NKAIN3: variants seen among roughly 807,000 people sequenced by gnomAD.
NKAIN3 encodes sodium/potassium transporting ATPase interacting 3.
Under a neutral mutation model 30.2 loss-of-function variants are expected in NKAIN3, and 25 were observed. That is an observed-to-expected ratio of 0.83 (90% CI 0.60 to 1.16). The LOEUF (loss-of-function observed/expected upper bound fraction) is 1.16. Ranked by LOEUF, NKAIN3 falls within the 50% of genes most tolerant of loss-of-function variation. NKAIN3 has a pLI of 0.00. For synonymous variants in NKAIN3, 91 were observed against 89.6 expected, an observed-to-expected ratio of 1.02 and a Z score of -0.09; for missense variants, 225 against 254.1, an observed-to-expected ratio of 0.89 and a Z score of 0.78.
rs1434507714 is a variant in NKAIN3, at chr8:62,876,939, GA to G, written c.472-41511del. 2.0e-5 allele frequency among the ~76,000 whole-genome samples: 3 copies of G among 147,630 alleles called. No individual in the cohort carries two copies. In the East Asian group the frequency reaches 6.0e-4, roughly 29 times the overall value. Reference sequence around the variant, plus strand: ...GTATCCCGTGTTTGTTTGTTTGGAAGAAATAAAGAAAAAATTTTCAATAAAA... The same window carrying G: ...GTATCCCGTGTTTGTTTGTTTGGAAGAATAAAGAAAAAATTTTCAATAAAA... On this transcript the variant is annotated intron_variant, in intron 4 of 6. Coordinates refer to ENST00000623646, the MANE Select transcript of NKAIN3 (RefSeq NM_001304533.3).
rs573980337 is a variant in NKAIN3 at position 62,651,195 on chromosome 8, A to G, written c.273+61401A>G. Among the ~76,000 whole-genome samples, 239 of 152,008 alleles carry G rather than the reference A, an allele frequency of 1.6e-3. 1 individual carries two copies. The highest frequency in any genetic ancestry group is 5.5e-3 in the African/African-American group (228 of 41,548). On this transcript the variant is annotated intron_variant, in intron 3 of 6. Transcript: ENST00000623646. ...CCTCTTAGGAAAAGTGCAATTTTTT[A>G]CAGAACAATGCTGATACATTTTCAT... is the stretch of plus-strand genomic sequence containing the variant.
chr8:62,279,674 A>T (rs1490881565), intron 1 of NKAIN3, among the ~76,000 whole-genome samples: 1 of 152,240 alleles, frequency 6.6e-6, no homozygotes, highest in Non-Finnish European at 1.5e-5. Flanking sequence ...GTCAAAGATC[A>T]GATGGCTGTA....
At chr8:62,557,859 T>A (rs1345476357) in intron 1 of NKAIN3, among the ~76,000 whole-genome samples, 2 of 152,134 alleles carry the variant, frequency 1.3e-5, no homozygotes, top group Non-Finnish European at 2.9e-5. Context: ...CTGTGGGTTG[T>A]CTGTTTGCTC....
intron 4 of NKAIN3, among the ~76,000 whole-genome samples, chr8:62,760,081 A>G (rs1176009225): frequency 6.6e-6 from 1 of 152,186 alleles, no homozygotes; most frequent in Non-Finnish European, 1.5e-5. Context: ...ATGAGATACC[A>G]TCTCATGCCA....
At chr8:62,532,394 C>T (rs980551328) in intron 1 of NKAIN3, among the ~76,000 whole-genome samples, 5 of 103,918 alleles carry the variant, frequency 4.8e-5, no homozygotes, top group Admixed American at 3.0e-4. Flanking sequence ...CTACATATAA[C>T]GTCTATACTT....
intron 3 of NKAIN3, among the ~76,000 whole-genome samples, chr8:62,599,345 G>T (rs1439823590): frequency 6.6e-6 from 1 of 151,964 alleles, no homozygotes; most frequent in East Asian, 1.9e-4. Context: ...ACTGTGGGTA[G>T]GTAACTAAAA....
At position 62,969,407 on chromosome 8, in the gene NKAIN3, C is replaced by T. The variant is rs1823783024; in HGVS notation, c.*4000C>T. On this transcript the variant is annotated 3_prime_UTR_variant, in exon 7 of 7. Coordinates refer to ENST00000623646, the MANE Select transcript of NKAIN3 (RefSeq NM_001304533.3). ...TTGAGAAGCAAAAACCAAAATTTCT[C>T]TTTTCAATCTTTGCAAATTAAAAAG... Among the ~76,000 whole-genome samples the T allele has an allele frequency of 2.0e-5, 3 of 152,320 alleles. No individual in the cohort carries two copies. In the South Asian group the frequency reaches 6.2e-4, roughly 32 times the overall value.
rs1344765802 is a variant in NKAIN3 at position 62,969,852 on chromosome 8, C to T, written c.*4445C>T. On this transcript the variant is annotated 3_prime_UTR_variant, in exon 7 of 7. Coordinates refer to ENST00000623646, the MANE Select transcript of NKAIN3 (RefSeq NM_001304533.3). ...TAAGGATATTATGCCCAAAAGTGAA[C>T]TGACAGAGGAAAGTACTCTTCATAT... Among the ~76,000 whole-genome samples, 1 of 152,012 alleles carries T rather than the reference C, an allele frequency of 6.6e-6. No individual in the cohort carries two copies.
intron 3 of NKAIN3, among the ~76,000 whole-genome samples, chr8:62,611,286 C>T (rs1811282240): frequency 6.6e-6 from 1 of 152,032 alleles, no homozygotes; most frequent in African/African-American, 2.4e-5. Context: ...GTATCTATCT[C>T]CTTAAGCATT....
chr8:62,716,277 A>G (rs533878403), intron 3 of NKAIN3, among the ~76,000 whole-genome samples: 9 of 152,310 alleles, frequency 5.9e-5, no homozygotes, highest in African/African-American at 2.2e-4. Context: ...AATACGTGTC[A>G]TCCCGACTTT....
At position 62,942,169 on chromosome 8, in the gene NKAIN3, AATAT is replaced by A. The variant is rs146115738; in HGVS notation, c.533-11719_533-11716del. On this transcript the variant is annotated intron_variant, in intron 5 of 6. Transcript: ENST00000623646. ...AACTCAATCCTTTTACAATAGCTGC[AATAT>A]ATATATATATATACACATATATATA... is the stretch of plus-strand genomic sequence containing the variant. Among the ~76,000 whole-genome samples the A allele has an allele frequency of 1.4e-4, 20 of 142,654 alleles. 1 individual carries two copies. Among genetic ancestry groups the A allele is most frequent in the Middle Eastern group, 3.6e-3 (1 of 276 alleles). The allele number at this position is 142,654 out of a possible 152,430, so 93.6% of individuals were successfully genotyped here. A position where few individuals can be genotyped will look rare whatever the true frequency, so the allele number is the denominator to read the frequency against.
At chr8:62,633,419 T>G (rs1255400432) in intron 3 of NKAIN3, among the ~76,000 whole-genome samples, 5 of 152,182 alleles carry the variant, frequency 3.3e-5, no homozygotes, top group Non-Finnish European at 5.9e-5. Flanking sequence ...GGTTCTGACT[T>G]ACTTGTCAAG....
At chr8:62,994,395 T>C (rs977089510) in intron 5 of NKAIN3, among the ~76,000 whole-genome samples, 6 of 152,178 alleles carry the variant, frequency 3.9e-5, no homozygotes, top group African/African-American at 1.4e-4. Context: ...GTGAAAGGGA[T>C]TGTATGATGA....
chr8:62,583,999 A>G (rs1053484131), intron 2 of NKAIN3, among the ~76,000 whole-genome samples: 2 of 152,124 alleles, frequency 1.3e-5, no homozygotes, highest in African/African-American at 2.4e-5. Context: ...TGAAGCTACA[A>G]CTGGTGGCCT....
intron 1 of NKAIN3, among the ~76,000 whole-genome samples, chr8:62,414,221 T>G (rs1374699055): frequency 6.6e-6 from 1 of 152,176 alleles, no homozygotes. Flanking sequence ...ATTGCTTTAT[T>G]TTAAGCTGTA....
chr8:62,320,428 C>T (rs1246278093), intron 1 of NKAIN3, among the ~76,000 whole-genome samples: 4 of 152,168 alleles, frequency 2.6e-5, no homozygotes, highest in South Asian at 2.1e-4. Flanking sequence ...TTCCTAGCCT[C>T]GATGGTCTTT....
intron 1 of NKAIN3, among the ~76,000 whole-genome samples, chr8:62,503,043 C>T (rs1478698162): frequency 6.6e-6 from 1 of 152,176 alleles, no homozygotes; most frequent in Non-Finnish European, 1.5e-5. Flanking sequence ...GAGTGGTGGG[C>T]TAGCATTATC....
At chr8:62,719,736 C>T (rs983184009) in intron 3 of NKAIN3, among the ~76,000 whole-genome samples, 98 of 147,218 alleles carry the variant, frequency 6.7e-4, no homozygotes, top group Non-Finnish European at 1.3e-3. Flanking sequence ...CTTCTGCATA[C>T]ATTTATACAT....
intron 6 of NKAIN3, among the ~76,000 whole-genome samples, chr8:62,956,988 T>C (rs1262282657): frequency 1.3e-5 from 2 of 152,216 alleles, no homozygotes; most frequent in Non-Finnish European, 2.9e-5. Flanking sequence ...GCAGAATAAA[T>C]ATAACTATAT....
Sources: gnomAD v4.1 joint callset for allele counts (sites outside exome capture counted in the v4.1 genomes callset) on GRCh38, gnomAD v4.1.1 for gene constraint, MANE v1.5 for transcripts, NCBI Gene and HGNC (gene_info 2026-07-23, HGNC 2026-07-21) for gene names.